The following RNF17 variants were observed in gnomAD, a reference collection of about 807,000 sequenced individuals.
RNF17 encodes the protein ring finger protein 17.
Under a neutral mutation model 200.5 loss-of-function variants are expected in RNF17, and 31 were observed. The ratio of observed to expected loss-of-function variants is 0.15; its 90% CI spans 0.12 to 0.21. RNF17 has a LOEUF of 0.21. RNF17 is among the 10% of genes least tolerant of loss of function. RNF17 has a pLI of 1.00. For synonymous variants in RNF17, 606 were observed against 637.8 expected (o/e 0.95, Z 0.75); for missense variants, 1,628 against 1,905.1 (o/e 0.85, Z 2.71).
intron 25 of RNF17, among the ~76,000 whole-genome samples, chr13:24,855,683 A>G (rs560881790): frequency 1.5e-4 from 23 of 152,220 alleles, no homozygotes; most frequent in Admixed American, 1.5e-3. Flanking sequence ...TTGTTTTTCA[A>G]AGTTGTTTAT....
chr13:24,770,686 CA>C (rs1566112715), intron 2 of RNF17, among the ~76,000 whole-genome samples: 1 of 152,134 alleles, frequency 6.6e-6, no homozygotes, highest in Non-Finnish European at 1.5e-5. Context: ...CTTGAAAGAA[CA>C]TTCTCTTCCC....
intron 2 of RNF17, among the ~76,000 whole-genome samples, chr13:24,769,501 A>G (rs575806757): frequency 6.6e-6 from 1 of 152,282 alleles, no homozygotes; most frequent in South Asian, 2.1e-4. Flanking sequence ...GGGCCCTATT[A>G]AAGGAAGTCA....
chr13:24,820,989 A>G (rs941649188), intron 15 of RNF17, among the ~76,000 whole-genome samples: 1 of 152,174 alleles, frequency 6.6e-6, no homozygotes, highest in African/African-American at 2.4e-5. Context: ...TTTATTGTCA[A>G]CAGTTTTGGA....
At chr13:24,842,786 A>G (rs1428016508) in intron 19 of RNF17, among the ~76,000 whole-genome samples, 1 of 151,990 alleles carries the variant, frequency 6.6e-6, no homozygotes, top group Admixed American at 6.6e-5. Flanking sequence ...GGAGTTTGAG[A>G]CCAGCCTGTC....
At chr13:24,865,322 TC>T (rs1318086055) in intron 29 of RNF17, among the ~76,000 whole-genome samples, 1 of 152,216 alleles carries the variant, frequency 6.6e-6, no homozygotes, top group Non-Finnish European at 1.5e-5. Context: ...AGCAGAGGGC[TC>T]TTGCTCCAGA....
chr13:24,859,150 G>A lies in RNF17; in HGVS notation c.3760G>A (p.Gly1254Ser), dbSNP rs760643338. Residue 1254 changes from glycine to serine, a missense_variant, in exon 26 of 36, where the codon GGT (glycine) becomes AGT (serine). Gly to Ser is a moderately conservative substitution (Grantham distance 56). Around this residue, in one of 5 missense-constraint regions of RNF17, gnomAD observed 609 missense variants for 681.9 expected, o/e 0.89. Transcript: ENST00000255324. Reference protein sequence around the residue: ...WYRGKVMEVVGGAVRVQYLDH... With the variant: ...WYRGKVMEVVSGAVRVQYLDH... ...TCGTGGCAAGGTGATGGAGGTTGTAGGTGGCGCTGTCAGAGTGAGTCTGAT... is the reference window on the plus strand; with the variant it reads ...TCGTGGCAAGGTGATGGAGGTTGTAAGTGGCGCTGTCAGAGTGAGTCTGAT... 3 of 1,599,598 alleles carry A rather than the reference G, an allele frequency of 1.9e-6. No homozygotes were observed. The Admixed American group carries it at 5.1e-5, about 27-fold the overall frequency.
At chr13:24,885,452 A>G in the RNF17 span, 1 of 1,241,312 alleles carries the variant, frequency 8.1e-7, no homozygotes, top group East Asian at 2.3e-5. Context: ...ATTCTGATAT[A>G]GGGTTCTAGG....
chr13:24,788,302 T>C, intron 7 of RNF17, 143 bp downstream of exon 7: 1 of 537,056 alleles, frequency 1.9e-6, no homozygotes, highest in East Asian at 3.5e-5. Flanking sequence ...ACAATATAGG[T>C]TAGGATAGTC....
intron 33 of RNF17, among the ~76,000 whole-genome samples, chr13:24,875,434 C>T (rs1181603008): frequency 1.3e-5 from 2 of 152,144 alleles, no homozygotes; most frequent in African/African-American, 4.8e-5. Context: ...AAAAATTAAT[C>T]TTGTTCATGC....
rs1161739585 is a variant in RNF17, at chr13:24,774,851, A to G, written c.264A>G (p.Pro88=). The change falls in exon 3 of 36, where the codon CCA becomes CCG. Residue 88 remains proline (P), a synonymous_variant. Coordinates refer to ENST00000255324, the MANE Select transcript of RNF17 (RefSeq NM_031277.3). ...TAVNTRQRYY[P]MAGYIKEDSI... The stretch of plus-strand genomic sequence containing the variant: ...TAAATACTAGACAACGCTACTACCC[A>G]ATGGCTGGATATATTAAGGAAGACT... 6.2e-7 allele frequency: 1 copy of G among 1,612,872 alleles called. No individual in the cohort carries two copies. The highest frequency in any genetic ancestry group is 8.5e-7 in the Non-Finnish European group (1 of 1,179,058).
chr13:24,797,906 A>G (rs928494607), intron 11 of RNF17, among the ~76,000 whole-genome samples: 2 of 152,146 alleles, frequency 1.3e-5, no homozygotes, highest in Non-Finnish European at 2.9e-5. Context: ...TTTGATAACT[A>G]TACAAATACA....
chr13:24,797,921 A>G (rs1410399050), intron 11 of RNF17, among the ~76,000 whole-genome samples: 2 of 152,170 alleles, frequency 1.3e-5, no homozygotes, highest in Non-Finnish European at 2.9e-5. Context: ...AATACATGAC[A>G]ATAAATGATG....
At chr13:24,764,404 G>A in intron 1 of RNF17, 71 bp downstream of exon 1, 1 of 1,482,934 alleles carries the variant, frequency 6.7e-7, no homozygotes. Flanking sequence ...GTGAGCTGGT[G>A]GGCGCGTGAG....
chr13:24,802,247 C>G, intron 13 of RNF17, 134 bp from the exon 14 acceptor site: 1 of 689,898 alleles, frequency 1.4e-6, no homozygotes, highest in Non-Finnish European at 2.3e-6. Flanking sequence ...GCTGCCCTGG[C>G]TGTTTCCTAA....
At chr13:24,758,905 G>A in the RNF17 span, among the ~76,000 whole-genome samples, 7 of 151,538 alleles carry the variant, frequency 4.6e-5, no homozygotes, top group South Asian at 6.3e-4. Flanking sequence ...GTGAAACCCC[G>A]TCTCTATTAA....
At chr13:24,869,657 A>G (rs768884829) in intron 31 of RNF17, among the ~76,000 whole-genome samples, 3 of 152,160 alleles carry the variant, frequency 2.0e-5, no homozygotes, top group South Asian at 2.1e-4. Context: ...CAGCATGGCT[A>G]TGGCTTCCTG....
chr13:24,883,970 C>T (rs752568366), downstream of RNF17: 1 of 1,614,132 alleles, frequency 6.2e-7, no homozygotes, highest in Non-Finnish European at 8.5e-7. Flanking sequence ...TACCGTTGTA[C>T]TCTGACAATT....
intron 15 of RNF17, among the ~76,000 whole-genome samples, chr13:24,814,841 AGATTCCAT>A (rs1887185033): frequency 1.3e-5 from 2 of 152,192 alleles, no homozygotes; most frequent in Non-Finnish European, 2.9e-5. Context: ...GTGTCTCTTA[AGATTCCAT>A]GTGACTTTTA....
chr13:24,763,989 G>A (rs1280580216), upstream of RNF17, among the ~76,000 whole-genome samples: 3 of 152,150 alleles, frequency 2.0e-5, no homozygotes, highest in Non-Finnish European at 4.4e-5. Flanking sequence ...AAAACGAACG[G>A]TCCTCAACGG....
Sources: gnomAD v4.1 joint callset for allele counts (sites outside exome capture counted in the v4.1 genomes callset) on GRCh38, gnomAD v4.1.1 for gene constraint, gnomAD v4.1.1 regional missense constraint, MANE v1.5 for transcripts, NCBI Gene and HGNC (gene_info 2026-07-23, HGNC 2026-07-21) for gene names.